NPHP1: variants seen among roughly 807,000 people sequenced by gnomAD.
NPHP1 encodes nephrocystin 1.
A neutral mutation model predicts 90.4 loss-of-function variants in NPHP1; 70 were observed. The observed-to-expected ratio is 0.77, with a 90% CI of 0.64 to 0.95. NPHP1 has a LOEUF of 0.95. NPHP1 is among the 40% of genes least tolerant of loss of function. The pLI, the probability that NPHP1 is intolerant of heterozygous loss-of-function variation, is 0.00. For synonymous variants in NPHP1, 256 were observed against 271.7 expected (o/e 0.94, Z 0.57); for missense variants, 764 against 795.9 (o/e 0.96, Z 0.48).
chr2:110,167,492 C>T (rs949500249), intron 6 of NPHP1, among the ~76,000 whole-genome samples: 1 of 151,986 alleles, frequency 6.6e-6, no homozygotes, highest in African/African-American at 2.4e-5. Flanking sequence ...ATGGTGAACA[C>T]AGCGAAGTGC....
chr2:110,199,631 A>G (rs968220618), intron 2 of NPHP1, among the ~76,000 whole-genome samples: 14 of 152,026 alleles, frequency 9.2e-5, no homozygotes, highest in African/African-American at 2.9e-4. Context: ...CATCCCCCCA[A>G]AAAAACATCT....
chr2:110,153,012 C>T (rs1421540154), intron 11 of NPHP1, among the ~76,000 whole-genome samples: 1 of 152,076 alleles, frequency 6.6e-6, no homozygotes, highest in Non-Finnish European at 1.5e-5. Context: ...ATGCCAGATA[C>T]ACCGTAAACT....
At chr2:110,204,226 G>A (rs767763110) in intron 1 of NPHP1, among the ~76,000 whole-genome samples, 1 of 152,162 alleles carries the variant, frequency 6.6e-6, no homozygotes, top group African/African-American at 2.4e-5. Context: ...CGGGAGCAGT[G>A]AATGTGCCTG....
intron 6 of NPHP1, among the ~76,000 whole-genome samples, chr2:110,168,131 G>A (rs1302279666): frequency 6.6e-6 from 1 of 152,092 alleles, no homozygotes; most frequent in African/African-American, 2.4e-5. Context: ...ACATATTTGT[G>A]GAAGTTAACA....
At chr2:110,156,644 C>T (rs942260670) in intron 11 of NPHP1, among the ~76,000 whole-genome samples, 1 of 152,126 alleles carries the variant, frequency 6.6e-6, no homozygotes, top group Admixed American at 6.5e-5. Flanking sequence ...TTACTTTGCC[C>T]AGAGTTTACA....
chr2:110,144,982 G>A (rs987566955), intron 14 of NPHP1, among the ~76,000 whole-genome samples: 14 of 152,036 alleles, frequency 9.2e-5, no homozygotes, highest in African/African-American at 2.7e-4. Flanking sequence ...TAAAAGTAAC[G>A]TGTAGATTAT....
Position 110,184,720 on chromosome 2 carries a change from G to C in NPHP1, c.144-5036C>G, listed in dbSNP as rs1370863338. On this transcript the variant is annotated intron_variant, in intron 2 of 19. Transcript: ENST00000445609. ...CATCCTTTGAGTTTGAGATTGTCAA[G>C]GCCATAAAAGAAAGACCCTCCTACC... 4 of 719,126 alleles carry C rather than the reference G, an allele frequency of 5.6e-6. No individual in the cohort carries two copies. In the East Asian group the frequency reaches 1.1e-4, roughly 20 times the overall value. The allele number at this position is 719,126 out of a possible 1,614,324, so 44.5% of individuals were successfully genotyped here.
intron 1 of NPHP1, chr2:110,202,226 T>C: frequency 3.8e-6 from 1 of 264,312 alleles, no homozygotes; most frequent in East Asian, 7.7e-5. Flanking sequence ...CAATATACTC[T>C]CCAAAAAGGC....
chr2:110,191,357 A>G (rs1684718438), intron 2 of NPHP1, among the ~76,000 whole-genome samples: 1 of 152,192 alleles, frequency 6.6e-6, no homozygotes, highest in Admixed American at 6.5e-5. Context: ...ACGGCACACC[A>G]GGAGATTACA....
intron 2 of NPHP1, chr2:110,184,895 G>A (rs1456044150): frequency 1.4e-6 from 1 of 692,766 alleles, no homozygotes; most frequent in African/African-American, 1.7e-5. Context: ...GGAGAGTGAA[G>A]GCATCCACAA....
At chr2:110,188,507 A>G (rs2104655500) in intron 2 of NPHP1, among the ~76,000 whole-genome samples, 1 of 152,286 alleles carries the variant, frequency 6.6e-6, no homozygotes, top group East Asian at 1.9e-4. Flanking sequence ...TCCAGAAATC[A>G]GAGGTGACAC....
intron 18 of NPHP1, chr2:110,126,688 A>G (rs1432385853): frequency 6.6e-6 from 1 of 152,662 alleles, no homozygotes; most frequent in Admixed American, 6.5e-5. Flanking sequence ...GAACTGTGCT[A>G]GGTAAGTAAA....
At chr2:110,152,599 TA>T (rs36125105) in intron 11 of NPHP1, among the ~76,000 whole-genome samples, 473 of 125,980 alleles carry the variant, frequency 3.8e-3, no homozygotes, top group Middle Eastern at 4.0e-3. Flanking sequence ...CCAGTAGGGT[TA>T]AAAAAAAAAA....
intron 19 of NPHP1, chr2:110,125,115 G>C: frequency 7.3e-7 from 1 of 1,374,918 alleles, no homozygotes; most frequent in African/African-American, 1.5e-5. Context: ...GACCTGAAAA[G>C]CCAAGAAGAT....
rs1409240168 is a variant in NPHP1 at position 110,178,237 on chromosome 2, T to TA, written c.329+185dup. ...TTGCCTGAGGGCAGAGACTATGACTTACACTTCTTTCCATCTCTCATGGGA... is the reference window on the plus strand; with the variant it reads ...TTGCCTGAGGGCAGAGACTATGACTTAACACTTCTTTCCATCTCTCATGGGA... On this transcript the variant is annotated intron_variant, in intron 4 of 19. Coordinates refer to ENST00000445609, the MANE Select transcript of NPHP1 (RefSeq NM_001128178.3). 3 of 622,046 alleles carry TA rather than the reference T, an allele frequency of 4.8e-6. No individual in the cohort carries two copies. In the African/African-American group the frequency reaches 5.5e-5, roughly 11 times the overall value. The allele number at this position is 622,046 out of a possible 1,614,324, so 38.5% of individuals were successfully genotyped here.
At chr2:110,156,443 C>G (rs536006631) in intron 11 of NPHP1, among the ~76,000 whole-genome samples, 1 of 152,114 alleles carries the variant, frequency 6.6e-6, no homozygotes, top group Non-Finnish European at 1.5e-5. Flanking sequence ...GTAATTTGCC[C>G]TTTCTTGGGT....
intron 15 of NPHP1, 107 bp from the exon 16 acceptor site, chr2:110,143,748 G>T: frequency 1.3e-6 from 1 of 791,568 alleles, no homozygotes; most frequent in Non-Finnish European, 2.2e-6. Context: ...GTGCTGAATT[G>T]AATGAAAGGC....
At chr2:110,179,400 T>C (rs1266448535) in intron 3 of NPHP1, among the ~76,000 whole-genome samples, 2 of 152,164 alleles carry the variant, frequency 1.3e-5, no homozygotes, top group Non-Finnish European at 2.9e-5. Context: ...TAATAGCAGG[T>C]GAGTTCATCA....
At chr2:110,165,449 C>T (rs1220466741) in intron 6 of NPHP1, among the ~76,000 whole-genome samples, 1 of 151,476 alleles carries the variant, frequency 6.6e-6, no homozygotes, top group Non-Finnish European at 1.5e-5. Flanking sequence ...AAAATAAATT[C>T]CAGATGGAAT....
Sources: allele counts gnomAD v4.1 joint callset (sites outside exome capture counted in the v4.1 genomes callset), GRCh38; gene constraint gnomAD v4.1.1; transcripts MANE v1.5; gene names NCBI Gene and HGNC (gene_info 2026-07-23, HGNC 2026-07-21).